KLF12: variants seen among roughly 807,000 people sequenced by gnomAD.
KLF12 encodes the protein Krueppel-like factor 12.
In KLF12, 9 loss-of-function variants were observed where a neutral mutation model predicts 37.8. That is an observed-to-expected ratio of 0.24 (90% CI 0.14 to 0.42). KLF12 has a LOEUF of 0.42. Ranked by LOEUF, KLF12 falls within the 10% of genes least tolerant of loss-of-function variation. The probability of loss-of-function intolerance (pLI) is 1.00; values close to 1 mark genes in which losing one functional copy is unlikely to be tolerated. For synonymous variants in KLF12, 208 were observed against 202.1 expected (o/e 1.03, Z -0.25); for missense variants, 411 against 516.0 (o/e 0.80, Z 1.97).
At chr13:73,959,797 T>G (rs532494068) in intron 2 of KLF12, among the ~76,000 whole-genome samples, 1 of 152,246 alleles carries the variant, frequency 6.6e-6, no homozygotes, top group South Asian at 2.1e-4. Flanking sequence ...AGATATTGCT[T>G]CTAGATTTTA....
chr13:74,104,511 T>C (rs1055479729), intron 1 of KLF12, among the ~76,000 whole-genome samples: 3 of 152,232 alleles, frequency 2.0e-5, no homozygotes, highest in African/African-American at 7.2e-5. Flanking sequence ...GACTGTTCAC[T>C]GTATTTTTCT....
chr13:74,130,274 A>T (rs924187352), intron 1 of KLF12, among the ~76,000 whole-genome samples: 2 of 152,260 alleles, frequency 1.3e-5, no homozygotes, highest in Non-Finnish European at 2.9e-5. Flanking sequence ...AAAAATAAAC[A>T]CTGGGCAAAA....
At chr13:74,081,021 C>T (rs150470208) in intron 1 of KLF12, among the ~76,000 whole-genome samples, 54 of 152,344 alleles carry the variant, frequency 3.5e-4, no homozygotes, top group Non-Finnish European at 6.3e-4. Flanking sequence ...AGTCTTCCTC[C>T]ATTGGGTGTG....
the KLF12 span, among the ~76,000 whole-genome samples, chr13:74,239,115 C>T: frequency 0.031 from 4,441 of 141,102 alleles, 86 homozygotes; most frequent in Middle Eastern, 0.069. Context: ...GCTTTGAATG[C>T]GTCCCAGAGA....
At chr13:73,950,230 G>A (rs1890594213) in intron 2 of KLF12, among the ~76,000 whole-genome samples, 1 of 152,144 alleles carries the variant, frequency 6.6e-6, no homozygotes, top group South Asian at 2.1e-4. Context: ...TGCTGAACTA[G>A]CCATGAAAAG....
chr13:74,161,871 CA>C, the KLF12 span, among the ~76,000 whole-genome samples: 2 of 152,122 alleles, frequency 1.3e-5, no homozygotes, highest in Non-Finnish European at 2.9e-5. Context: ...ACTCAGGGGT[CA>C]GGGGGAATCA....
At chr13:73,761,201 C>T (rs770626418) in intron 6 of KLF12, among the ~76,000 whole-genome samples, 1 of 152,080 alleles carries the variant, frequency 6.6e-6, no homozygotes, top group African/African-American at 2.4e-5. Flanking sequence ...GGCTCAAATG[C>T]AGAAAAATAG....
chr13:73,871,798 A>G (rs747725659), intron 3 of KLF12, among the ~76,000 whole-genome samples: 7 of 152,118 alleles, frequency 4.6e-5, no homozygotes, highest in Non-Finnish European at 8.8e-5. Context: ...CCCATAATAC[A>G]TTTTATCCAT....
the KLF12 span, among the ~76,000 whole-genome samples, chr13:74,232,434 C>T: frequency 6.6e-6 from 1 of 152,060 alleles, no homozygotes; most frequent in African/African-American, 2.4e-5. Flanking sequence ...ATAATTTATT[C>T]ATTCATATAT....
intron 6 of KLF12, among the ~76,000 whole-genome samples, chr13:73,742,107 CAA>C (rs1488836375): frequency 6.6e-6 from 1 of 151,848 alleles, no homozygotes; most frequent in Admixed American, 6.6e-5. Flanking sequence ...GCAGAGTCAA[CAA>C]AGTCAATTTA....
chr13:73,750,270 C>T (rs911636402), intron 6 of KLF12, among the ~76,000 whole-genome samples: 8 of 152,184 alleles, frequency 5.3e-5, no homozygotes, highest in Non-Finnish European at 1.0e-4. Flanking sequence ...CAAAGTCAGG[C>T]GGCAGAAGTT....
In KLF12 at chr13:73,690,067, C is replaced by T. The variant is rs987619736; in HGVS notation, c.*5423G>A. ...TAGGTATATTTGAAAGCTATAAAAG[C>T]GTTTTTTGTGGGCATGTGAACAGAT... On this transcript the variant is annotated 3_prime_UTR_variant, in exon 8 of 8. Coordinates refer to ENST00000377669, the MANE Select transcript of KLF12 (RefSeq NM_007249.5). 5 of 152,394 alleles carry T rather than the reference C, an allele frequency of 3.3e-5. No individual in the cohort carries two copies. In the South Asian group the frequency reaches 8.3e-4, roughly 25 times the overall value. 9.4% of individuals were successfully genotyped at this position (152,394 alleles called of 1,614,324 possible).
At chr13:73,869,900 G>C (rs568305043) in intron 3 of KLF12, among the ~76,000 whole-genome samples, 18 of 152,244 alleles carry the variant, frequency 1.2e-4, no homozygotes, top group Admixed American at 6.5e-4. Flanking sequence ...ACTTGTCCTT[G>C]TAGTTCAAAA....
intron 5 of KLF12, among the ~76,000 whole-genome samples, chr13:73,780,041 G>A (rs972526673): frequency 6.6e-6 from 1 of 152,160 alleles, no homozygotes; most frequent in African/African-American, 2.4e-5. Flanking sequence ...AGAGTTCAGT[G>A]GAGGAAGTAA....
intron 6 of KLF12, among the ~76,000 whole-genome samples, chr13:73,721,992 T>C (rs1876298606): frequency 1.3e-5 from 2 of 152,178 alleles, no homozygotes. Context: ...GACATTCCAC[T>C]TTATTTACAA....
At chr13:73,753,756 A>C (rs1878951267) in intron 6 of KLF12, among the ~76,000 whole-genome samples, 1 of 152,212 alleles carries the variant, frequency 6.6e-6, no homozygotes, top group South Asian at 2.1e-4. Context: ...TTAAGGATTA[A>C]AATTAAATAC....
At chr13:74,129,410 G>T (rs571651412) in intron 1 of KLF12, among the ~76,000 whole-genome samples, 14 of 152,244 alleles carry the variant, frequency 9.2e-5, no homozygotes, top group African/African-American at 3.4e-4. Context: ...GAGAAGCATG[G>T]CAAATGTCAC....
the KLF12 span, among the ~76,000 whole-genome samples, chr13:74,244,283 C>A: frequency 0.25 from 38,516 of 152,106 alleles, 7,160 homozygotes; most frequent in African/African-American, 0.52. Context: ...TATTTATAAA[C>A]TACAGATGAT....
intron 1 of KLF12, among the ~76,000 whole-genome samples, chr13:74,027,873 G>A (rs1355045533): frequency 6.6e-6 from 1 of 152,066 alleles, no homozygotes; most frequent in African/African-American, 2.4e-5. Flanking sequence ...GTTTCAACGT[G>A]TGCTTTATTA....
Sources: allele counts gnomAD v4.1 joint callset (sites outside exome capture counted in the v4.1 genomes callset), GRCh38; gene constraint gnomAD v4.1.1; transcripts MANE v1.5; gene names NCBI Gene and HGNC (gene_info 2026-07-23, HGNC 2026-07-21).